CSMD1: variants seen among roughly 807,000 people sequenced by gnomAD.
CSMD1 encodes CUB and Sushi multiple domains 1, also known as CUB and sushi domain-containing protein 1.
CSMD1 carries 213 observed loss-of-function variants against 417.5 expected under a neutral mutation model. The ratio of observed to expected loss-of-function variants is 0.51; its 90% CI spans 0.46 to 0.57. The LOEUF is 0.57. CSMD1 is among the 20% of genes least tolerant of loss of function. The pLI is 0.00. For synonymous variants in CSMD1, 2,862 were observed against 1,736.8 expected, an observed-to-expected ratio of 1.65 and a Z score of -16.11; for missense variants, 6,923 against 4,529.7, an observed-to-expected ratio of 1.53 and a Z score of -15.17.
At chr8:3,826,146 A>G (rs990099958) in intron 5 of CSMD1, among the ~76,000 whole-genome samples, 7 of 152,120 alleles carry the variant, frequency 4.6e-5, no homozygotes, top group African/African-American at 1.7e-4. Context: ...CTGCGAATGA[A>G]TACATCAAAG....
intron 10 of CSMD1, among the ~76,000 whole-genome samples, chr8:3,549,639 G>A (rs745744678): frequency 6.6e-6 from 1 of 152,178 alleles, no homozygotes; most frequent in African/African-American, 2.4e-5. Context: ...ACCTCAGCTA[G>A]CATGATGGGA....
At chr8:3,678,266 C>T (rs1284721191) in intron 7 of CSMD1, among the ~76,000 whole-genome samples, 4 of 152,062 alleles carry the variant, frequency 2.6e-5, no homozygotes, top group East Asian at 3.9e-4. Context: ...TCGAACCCAT[C>T]GCAAAGAAGT....
chr8:4,223,482 AT>A (rs1801166816), intron 3 of CSMD1, among the ~76,000 whole-genome samples: 1 of 152,358 alleles, frequency 6.6e-6, no homozygotes, highest in East Asian at 1.9e-4. Context: ...GGGAAGGATA[AT>A]TGGTAGAGAT....
chr8:3,161,640 A>C (rs1047731605), intron 38 of CSMD1, among the ~76,000 whole-genome samples: 3 of 151,902 alleles, frequency 2.0e-5, no homozygotes, highest in Non-Finnish European at 4.4e-5. Context: ...AAAAAAAAAA[A>C]AAAAACCCTC....
intron 58 of CSMD1, among the ~76,000 whole-genome samples, chr8:2,966,216 T>A (rs978802649): frequency 6.6e-6 from 1 of 152,132 alleles, no homozygotes; most frequent in Non-Finnish European, 1.5e-5. Context: ...TAGCCCCTAA[T>A]TAGGCATGGG....
At chr8:4,573,452 C>T (rs918156655) in intron 2 of CSMD1, among the ~76,000 whole-genome samples, 1 of 152,116 alleles carries the variant, frequency 6.6e-6, no homozygotes, top group Non-Finnish European at 1.5e-5. Flanking sequence ...CCAGTGGAGG[C>T]TGCAGAACAG....
intron 49 of CSMD1, among the ~76,000 whole-genome samples, chr8:3,062,984 A>G (rs554894041): frequency 6.6e-6 from 1 of 152,230 alleles, no homozygotes; most frequent in African/African-American, 2.4e-5. Context: ...AGAGAAAAAA[A>G]GCTGGAGGAA....
chr8:3,812,350 G>A (rs1008046167), intron 5 of CSMD1, among the ~76,000 whole-genome samples: 22 of 152,118 alleles, frequency 1.4e-4, no homozygotes, highest in African/African-American at 5.1e-4. Context: ...ATGACAATTT[G>A]TCCTCAGCCT....
chr8:3,229,661 T>C (rs1798716203), intron 27 of CSMD1, among the ~76,000 whole-genome samples: 1 of 152,180 alleles, frequency 6.6e-6, no homozygotes, highest in Admixed American at 6.5e-5. Flanking sequence ...GAAAGTACTT[T>C]TAGTGAGTAG....
intron 10 of CSMD1, among the ~76,000 whole-genome samples, chr8:3,560,909 C>A (rs919439776): frequency 7.2e-5 from 11 of 152,292 alleles, no homozygotes; most frequent in African/African-American, 2.6e-4. Context: ...CTATTTACTT[C>A]CATGTTACAG....
At chr8:4,798,625 T>C (rs980571547) in intron 1 of CSMD1, among the ~76,000 whole-genome samples, 1 of 152,102 alleles carries the variant, frequency 6.6e-6, no homozygotes, top group African/African-American at 2.4e-5. Flanking sequence ...TAAAAATTCG[T>C]CTAAAACCTG....
chr8:4,117,544 T>C (rs371537597), intron 3 of CSMD1, among the ~76,000 whole-genome samples: 1 of 152,344 alleles, frequency 6.6e-6, no homozygotes, highest in African/African-American at 2.4e-5. Context: ...TAATACTCAC[T>C]GATTGTGACA....
At chr8:4,537,556 C>G (rs1451764792) in intron 2 of CSMD1, among the ~76,000 whole-genome samples, 1 of 152,156 alleles carries the variant, frequency 6.6e-6, no homozygotes, top group Non-Finnish European at 1.5e-5. Flanking sequence ...GATTAGTTTT[C>G]AAGTTGAAAA....
chr8:3,273,060 C>T (rs986479105), intron 26 of CSMD1, among the ~76,000 whole-genome samples: 24 of 152,054 alleles, frequency 1.6e-4, no homozygotes, highest in African/African-American at 5.8e-4. Context: ...ATGATATTGG[C>T]TGTGGGTTTG....
chr8:3,527,271 T>A (rs1166904092), intron 10 of CSMD1, among the ~76,000 whole-genome samples: 6 of 152,364 alleles, frequency 3.9e-5, no homozygotes, highest in African/African-American at 2.4e-5. Context: ...TAGGGAATTA[T>A]AATGGGAGAA....
intron 3 of CSMD1, among the ~76,000 whole-genome samples, chr8:4,382,778 A>C (rs1429410678): frequency 6.6e-6 from 1 of 152,246 alleles, no homozygotes; most frequent in Non-Finnish European, 1.5e-5. Flanking sequence ...AACACAAAAT[A>C]ATAATGATGG....
intron 3 of CSMD1, among the ~76,000 whole-genome samples, chr8:4,259,379 G>A (rs186369746): frequency 1.3e-5 from 2 of 152,074 alleles, no homozygotes; most frequent in Non-Finnish European, 2.9e-5. Flanking sequence ...GAAAGGAGAG[G>A]ACAGGAGGAG....
chr8:3,775,856 G>A (rs115269982), intron 5 of CSMD1, among the ~76,000 whole-genome samples: 1,994 of 152,320 alleles, frequency 0.013, 40 homozygotes, highest in African/African-American at 0.045. Flanking sequence ...TACTGACCTA[G>A]GATGGGTCCT....
intron 4 of CSMD1, among the ~76,000 whole-genome samples, chr8:4,028,147 C>G (rs371440464): frequency 1.3e-5 from 2 of 151,954 alleles, no homozygotes; most frequent in East Asian, 1.9e-4. Flanking sequence ...AGAAAATGAG[C>G]ATTTTAGAAA....
Sources: gnomAD v4.1 joint callset for allele counts (sites outside exome capture counted in the v4.1 genomes callset) on GRCh38, gnomAD v4.1.1 for gene constraint, MANE v1.5 for transcripts, NCBI Gene and HGNC (gene_info 2026-07-23, HGNC 2026-07-21) for gene names.